The following TAS1R2 variants were observed in gnomAD, a reference collection of about 807,000 sequenced individuals.
TAS1R2 encodes the protein taste 1 receptor member 2.
In TAS1R2, 47 loss-of-function variants were observed where a neutral mutation model predicts 49.3. That is an observed-to-expected ratio of 0.95 (90% CI 0.75 to 1.22). TAS1R2 has a LOEUF of 1.22. Among genes scored for constraint, TAS1R2 ranks in the 50% most tolerant of loss-of-function variants. The probability of loss-of-function intolerance (pLI) is 0.00; values close to 1 mark genes in which losing one functional copy is unlikely to be tolerated. For missense variants in TAS1R2, 1,155 were observed against 1,122.1 expected (o/e 1.03, Z -0.42); for synonymous variants, 479 against 467.9 (o/e 1.02, Z -0.31).
At chr1:18,839,727 G>A (rs748687124) in exon 6 of TAS1R2, 56 of 1,614,122 alleles carry the variant, frequency 3.5e-5, no homozygotes, top group Non-Finnish European at 1.1e-5. Flanking sequence ...AGGAGGTTGA[G>A]CACAGTGACC....
exon 6 of TAS1R2, chr1:18,840,186 T>G (rs993885475): frequency 1.2e-6 from 2 of 1,614,188 alleles, no homozygotes; most frequent in Non-Finnish European, 1.7e-6. Flanking sequence ...ATACAGGAGA[T>G]GCAGATTGTG....
intron 3 of TAS1R2, among the ~76,000 whole-genome samples, chr1:18,852,842 C>T (rs552692248): frequency 6.6e-6 from 1 of 152,218 alleles, no homozygotes; most frequent in South Asian, 2.1e-4. Context: ...TGCACAGGTG[C>T]AATTCTGACT....
chr1:18,849,747 G>T (rs1426126316), intron 3 of TAS1R2, among the ~76,000 whole-genome samples, 197 bp from the exon 4 acceptor site: 1 of 152,200 alleles, frequency 6.6e-6, no homozygotes, highest in Admixed American at 6.5e-5. Flanking sequence ...ACACATCTGG[G>T]TTCAGGCCTC....
intron 4 of TAS1R2, among the ~76,000 whole-genome samples, chr1:18,842,849 A>G (rs994577104): frequency 6.6e-6 from 1 of 152,220 alleles, no homozygotes; most frequent in Non-Finnish European, 1.5e-5. Context: ...GCAAAATGAA[A>G]AAGTTCTAGA....
chr1:18,840,289 C>T (rs760020093), exon 6 of TAS1R2: 1 of 1,613,980 alleles, frequency 6.2e-7, no homozygotes, highest in Non-Finnish European at 8.5e-7. Context: ...CCACCAGCAG[C>T]AGTGTCAGCA....
intron 4 of TAS1R2, among the ~76,000 whole-genome samples, chr1:18,844,758 AAAAGAAG>A (rs1214988959): frequency 2.5e-5 from 2 of 80,652 alleles, no homozygotes; most frequent in Admixed American, 1.2e-4. Flanking sequence ...TCTCAGAAAA[AAAAGAAG>A]AAGAAGAAGA....
Position 18,857,316 on chromosome 1 carries a change from G to A in TAS1R2, c.483+15C>T. On this transcript the variant is annotated intron_variant, in intron 2 of 5. Coordinates refer to ENST00000375371, the Ensembl canonical transcript of TAS1R2. The stretch of plus-strand genomic sequence containing the variant: ...CCCCCTCCCCAGGTCCTTCTCCAGG[G>A]CCCAGGGGCCTCACCTGTGGAAGGA... 2 of 1,609,562 alleles carry A rather than the reference G, an allele frequency of 1.2e-6. No individual in the cohort carries two copies. Among genetic ancestry groups the A allele is most frequent in the Non-Finnish European group, 1.7e-6 (2 of 1,176,374 alleles).
Position 18,839,767 on chromosome 1 carries a change from G to A in TAS1R2, c.2352C>T (p.Ser784=), listed in dbSNP as rs138899345. 1.8e-4 allele frequency: 297 copies of A among 1,614,104 alleles called. 1 individual carries two copies. The highest frequency in any genetic ancestry group is 2.3e-4 in the Non-Finnish European group (275 of 1,180,036). ...GGTCCACGATGGTGACCAGCACCCC[G>A]CTGTAGGCAGACATGAAGGTGCAGA... Residue 784 remains serine, a synonymous_variant, in exon 6 of 6, where the codon AGC becomes AGT. Coordinates refer to ENST00000375371, the Ensembl canonical transcript of TAS1R2.
chr1:18,844,067 A>G (rs1049974259), intron 4 of TAS1R2, among the ~76,000 whole-genome samples: 18 of 152,328 alleles, frequency 1.2e-4, no homozygotes, highest in Non-Finnish European at 2.6e-4. Context: ...GGTTGGTTTG[A>G]TATATTAATG....
chr1:18,854,507 G>T lies in TAS1R2; in HGVS notation c.963C>A (p.Thr321=), dbSNP rs758833875. ...CGCTCTGGATGGTGATGCCCAGGAA[G>T]GTGCCCAAGTGGCGCAGCTCCGTGA... The change falls in exon 3 of 6, where the codon ACC becomes ACA. Residue 321 remains threonine (T), a synonymous_variant. Transcript: ENST00000375371. The surrounding 1 kb of genome is among the most constrained non-coding windows in gnomAD (Gnocchi z 4.9). 6.2e-7 allele frequency: 1 copy of T among 1,614,028 alleles called. No individual in the cohort carries two copies. The highest frequency in any genetic ancestry group is 8.5e-7 in the Non-Finnish European group (1 of 1,180,002).
chr1:18,851,812 C>T (rs1207437081), intron 3 of TAS1R2, among the ~76,000 whole-genome samples: 1 of 152,154 alleles, frequency 6.6e-6, no homozygotes, highest in Non-Finnish European at 1.5e-5. Flanking sequence ...GGGTGCCCAT[C>T]CCCACTACCC....
intron 3 of TAS1R2, among the ~76,000 whole-genome samples, chr1:18,852,750 T>C (rs1053506443): frequency 2.0e-5 from 3 of 152,232 alleles, no homozygotes; most frequent in Non-Finnish European, 4.4e-5. Context: ...ACTCTCCTCC[T>C]GGAAGGTCCA....
In TAS1R2 at chr1:18,854,517, T is replaced by G; in HGVS notation, c.953A>C (p.His318Pro). ...GGTGATGCCCAGGAAGGTGCCCAAG[T>G]GGCGCAGCTCCGTGAGGTTGTGCAG... is the stretch of plus-strand genomic sequence containing the variant. The change falls in exon 3 of 6, where the codon CAC becomes CCC. Residue 318 changes from histidine to proline, a missense_variant. By Grantham distance (77) the His-to-Pro change is moderately conservative. Coordinates refer to ENST00000375371, the Ensembl canonical transcript of TAS1R2. This position sits in a 1 kb window ranked among gnomAD's most constrained non-coding sequence, Gnocchi z 4.9. 6.2e-7 allele frequency: 1 copy of G among 1,613,808 alleles called. No homozygotes were observed. The highest frequency in any genetic ancestry group is 8.5e-7 in the Non-Finnish European group (1 of 1,179,812).
At chr1:18,850,689 C>T (rs1369823206) in intron 3 of TAS1R2, among the ~76,000 whole-genome samples, 3 of 152,254 alleles carry the variant, frequency 2.0e-5, no homozygotes, top group African/African-American at 2.4e-5. Context: ...CCCAAGGGGT[C>T]GGAAAGCACT....
chr1:18,845,353 G>C (rs7524612), intron 4 of TAS1R2, among the ~76,000 whole-genome samples: 22,133 of 152,178 alleles, frequency 0.15, 1,924 homozygotes, highest in East Asian at 0.44. Flanking sequence ...TGCCCTTTAA[G>C]ATGAAGTTTT....
chr1:18,841,709 G>GCT lies in TAS1R2; in HGVS notation c.1591+18_1591+19dup. The GCT allele has an allele frequency of 1.9e-6, 3 of 1,610,408 alleles. No homozygotes were observed. The highest frequency in any genetic ancestry group is 1.7e-6 in the Non-Finnish European group (2 of 1,177,358). ...GGCAGGGCAGGGGCAGGGCAGGAGT[G>GCT]CTAGGCCTGTGAATCATACCTTCAG... On this transcript the variant is annotated intron_variant, in intron 5 of 5. Transcript: ENST00000375371.
At chr1:18,858,137 C>A (rs996790328) in intron 1 of TAS1R2, among the ~76,000 whole-genome samples, 1 of 152,020 alleles carries the variant, frequency 6.6e-6, no homozygotes, top group African/African-American at 2.4e-5. Flanking sequence ...TCACCACCAC[C>A]AACATCATCA....
At chr1:18,849,520 T>A (rs1262181884) in exon 4 of TAS1R2, 16 of 1,613,910 alleles carry the variant, frequency 9.9e-6, no homozygotes, top group Non-Finnish European at 1.4e-5. Flanking sequence ...TCCAGGAGAG[T>A]GAAGTTGACC....
Position 18,839,667 on chromosome 1 carries a change from A to G in TAS1R2, c.2452T>C (p.Tyr818His), listed in dbSNP as rs138805955. 3.3e-5 allele frequency: 53 copies of G among 1,614,026 alleles called. No homozygotes were observed. The highest frequency in any genetic ancestry group is 5.0e-5 in the Admixed American group (3 of 60,004). The stretch of plus-strand genomic sequence containing the variant: ...TAGGCGGGCGTGTTGCGCTCCGGGT[A>G]GAAGAGGATCATGTAGCACTTGGGG... The change falls in exon 6 of 6, where the codon TAC (tyrosine) becomes CAC (histidine). Residue 818 changes from tyrosine (Y) to histidine (H), a missense_variant. Coordinates refer to ENST00000375371, the Ensembl canonical transcript of TAS1R2.
Sources: allele counts gnomAD v4.1 joint callset (sites outside exome capture counted in the v4.1 genomes callset), GRCh38; gene constraint gnomAD v4.1.1; non-coding constraint Gnocchi (gnomAD v3.1); transcripts MANE v1.5; gene names NCBI Gene and HGNC (gene_info 2026-07-23, HGNC 2026-07-21).